The following C4orf51 variants were observed in gnomAD, a reference collection of about 807,000 sequenced individuals.
The protein encoded by C4orf51 is uncharacterized protein C4orf51.
A neutral mutation model predicts 25.2 loss-of-function variants in C4orf51; 25 were observed. That is an observed-to-expected ratio of 0.99 (90% CI 0.72 to 1.39). The LOEUF is 1.39. Ranked by LOEUF, C4orf51 falls within the 40% of genes most tolerant of loss-of-function variation. C4orf51 has a pLI of 0.00. For missense variants in C4orf51, 252 were observed against 239.6 expected (o/e 1.05, Z -0.34); for synonymous variants, 100 against 84.5 (o/e 1.18, Z -1.01).
chr4:145,705,010 C>A (rs1004419739), intron 2 of C4orf51, among the ~76,000 whole-genome samples: 1 of 152,222 alleles, frequency 6.6e-6, no homozygotes, highest in Non-Finnish European at 1.5e-5. Context: ...CAAGGCCTTG[C>A]ATCCCTTCTC....
chr4:145,755,703 G>T (rs546525512), downstream of C4orf51, among the ~76,000 whole-genome samples: 1 of 152,140 alleles, frequency 6.6e-6, no homozygotes, highest in African/African-American at 2.4e-5. Flanking sequence ...CTTACCCTGG[G>T]GCCTGTTTTA....
At chr4:145,713,314 A>G (rs1217192350) in intron 2 of C4orf51, among the ~76,000 whole-genome samples, 2 of 152,236 alleles carry the variant, frequency 1.3e-5, no homozygotes, top group Non-Finnish European at 2.9e-5. Flanking sequence ...AGTAAGTTGA[A>G]ATCTTATGGA....
chr4:145,736,945 C>T (rs143406014), downstream of C4orf51, among the ~76,000 whole-genome samples: 565 of 152,242 alleles, frequency 3.7e-3, 4 homozygotes, highest in South Asian at 0.027. Flanking sequence ...CACACCCTGG[C>T]GGCGAGAGTC....
chr4:145,723,543 C>T lies in C4orf51; in HGVS notation c.308-3368C>T, dbSNP rs141731094. ...GAGCTTCTCTGATTCTGCAAGCCTA[C>T]ACTTGCTTTCTTGATAATTTGCTTT... On this transcript the variant is annotated intron_variant, in intron 2 of 5. Coordinates refer to ENST00000438731, the MANE Select transcript of C4orf51 (RefSeq NM_001080531.3). Among the ~76,000 whole-genome samples the T allele has an allele frequency of 2.0e-5, 3 of 152,202 alleles. No homozygotes were observed. The East Asian group carries it at 5.8e-4, about 29-fold the overall frequency.
intron 1 of C4orf51, among the ~76,000 whole-genome samples, chr4:145,742,466 A>G (rs1469693217): frequency 6.6e-6 from 1 of 150,866 alleles, no homozygotes. Flanking sequence ...AAGTCTCATC[A>G]TGAACTTTCT....
intron 5 of C4orf51, among the ~76,000 whole-genome samples, chr4:145,730,319 G>T (rs1732389334): frequency 6.6e-6 from 1 of 152,122 alleles, no homozygotes; most frequent in African/African-American, 2.4e-5. Context: ...GTCCTGCCCT[G>T]CCGCATATCC....
At chr4:145,709,440 T>C (rs1731014382) in intron 2 of C4orf51, among the ~76,000 whole-genome samples, 1 of 152,146 alleles carries the variant, frequency 6.6e-6, no homozygotes, top group Non-Finnish European at 1.5e-5. Context: ...TCATCCAAGT[T>C]GGTAGGGTAA....
the C4orf51 span, among the ~76,000 whole-genome samples, chr4:145,781,382 T>G: frequency 1.3e-5 from 2 of 152,064 alleles, no homozygotes; most frequent in African/African-American, 2.4e-5. Context: ...CTGGAATGAT[T>G]TGCCAGATAG....
intron 2 of C4orf51, among the ~76,000 whole-genome samples, chr4:145,701,278 C>A (rs1363080300): frequency 2.6e-5 from 4 of 151,832 alleles, no homozygotes; most frequent in Non-Finnish European, 5.9e-5. Context: ...GTGAGACAAA[C>A]CCCAGCCACA....
Position 145,763,127 on chromosome 4 carries a change from G to A in C4orf51, n.167-7861G>A, listed in dbSNP as rs1315738247. On this transcript the variant is annotated intron_variant and non_coding_transcript_variant, in intron 1 of 1. Coordinates refer to the C4orf51 transcript ENST00000510096. The surrounding 1 kb of genome is among the most constrained non-coding windows in gnomAD (Gnocchi z 4.6). ...GAAACTCACCACTGTCCTGAGCTAC[G>A]GCAAAAGAAAAATAATAGTATAATC... is the stretch of plus-strand genomic sequence containing the variant. 34 of 1,535,886 alleles carry A rather than the reference G, an allele frequency of 2.2e-5. No homozygotes were observed. The highest frequency in any genetic ancestry group is 2.7e-5 in the African/African-American group (2 of 73,016).
intron 1 of C4orf51, among the ~76,000 whole-genome samples, chr4:145,742,532 GTTTTTTTTTTTTTTTT>G (rs141147414): frequency 3.0e-4 from 32 of 105,008 alleles, no homozygotes; most frequent in Non-Finnish European, 4.7e-4. Flanking sequence ...TCTTTTTCTT[GTTTTTTTTTTTTTTTT>G]TTTTTTTTTG....
At chr4:145,779,646 G>T in the C4orf51 span, 1 of 1,237,280 alleles carries the variant, frequency 8.1e-7, no homozygotes, top group Non-Finnish European at 1.1e-6. Flanking sequence ...CTCCGTAACT[G>T]GTTTTCCTGC....
At chr4:145,790,675 T>TG in the C4orf51 span, among the ~76,000 whole-genome samples, 3 of 152,252 alleles carry the variant, frequency 2.0e-5, no homozygotes, top group Non-Finnish European at 4.4e-5. Context: ...GGACAAGTCT[T>TG]GATCATATCA....
chr4:145,763,057 C>T lies in C4orf51; in HGVS notation n.167-7931C>T. The T allele has an allele frequency of 6.5e-7, 1 of 1,531,280 alleles. No individual in the cohort carries two copies. The highest frequency in any genetic ancestry group is 8.7e-7 in the Non-Finnish European group (1 of 1,143,260). The allele number at this position is 1,531,280 out of a possible 1,614,324, so 94.9% of individuals were successfully genotyped here. A position where few individuals can be genotyped will look rare whatever the true frequency, so the allele number is the denominator to read the frequency against. ...ATAAAGCCCATTCCCAGGTCAGGTG[C>T]ACACACAACCCCTACGCCAAGCTGG... On this transcript the variant is annotated intron_variant and non_coding_transcript_variant, in intron 1 of 1. Coordinates refer to the C4orf51 transcript ENST00000510096. This position sits in a 1 kb window ranked among gnomAD's most constrained non-coding sequence, Gnocchi z 4.6.
the C4orf51 span, among the ~76,000 whole-genome samples, chr4:145,782,062 T>C: frequency 1.3e-5 from 2 of 152,368 alleles, no homozygotes; most frequent in East Asian, 3.9e-4. Context: ...GGAGTCGCAG[T>C]GAGGCAGGCA....
intron 2 of C4orf51, among the ~76,000 whole-genome samples, chr4:145,715,876 GTCCCAGAATGTAACT>G (rs1448824755): frequency 6.6e-6 from 1 of 152,032 alleles, no homozygotes; most frequent in African/African-American, 2.4e-5. Flanking sequence ...TTTCATATTA[GTCCCAGAATGTAACT>G]TCCCAGAATG....
intron 2 of C4orf51, among the ~76,000 whole-genome samples, chr4:145,700,596 T>C (rs995550889): frequency 5.3e-5 from 8 of 152,158 alleles, no homozygotes; most frequent in Non-Finnish European, 1.2e-4. Context: ...ATTCTTGTCG[T>C]AAAATAGGCA....
chr4:145,719,484 A>G (rs1252796961), intron 2 of C4orf51, among the ~76,000 whole-genome samples: 1 of 151,212 alleles, frequency 6.6e-6, no homozygotes, highest in Non-Finnish European at 1.5e-5. Flanking sequence ...GGGCGCCTAT[A>G]GTCCCAGCTA....
intron 1 of C4orf51, among the ~76,000 whole-genome samples, chr4:145,690,549 A>T (rs1337339471): frequency 6.6e-6 from 1 of 152,100 alleles, no homozygotes; most frequent in African/African-American, 2.4e-5. Flanking sequence ...CACCTAGGTA[A>T]CACTCTTCTG....
Sources: gnomAD v4.1 joint callset for allele counts (sites outside exome capture counted in the v4.1 genomes callset) on GRCh38, gnomAD v4.1.1 for gene constraint, Gnocchi (gnomAD v3.1) non-coding constraint, MANE v1.5 for transcripts, NCBI Gene and HGNC (gene_info 2026-07-23, HGNC 2026-07-21) for gene names.